MYOCD: variants seen among roughly 807,000 people sequenced by gnomAD.
The protein encoded by MYOCD is myocardin.
MYOCD carries 32 observed loss-of-function variants against 96.1 expected under a neutral mutation model. The ratio of observed to expected loss-of-function variants is 0.33; its 90% confidence interval spans 0.25 to 0.45. The LOEUF (loss-of-function observed/expected upper bound fraction) is 0.45, where lower values mean the gene tolerates loss of function less well. MYOCD is among the 20% of genes least tolerant of loss of function. MYOCD has a pLI of 1.00. For missense variants in MYOCD, 1,133 were observed against 1,200.6 expected (o/e 0.94, Z 0.83); for synonymous variants, 469 against 469.0 (o/e 1.00, Z 0.00).
At position 12,768,297 on chromosome 17, in the gene MYOCD, T is replaced by G. The variant is rs2033392251; in HGVS notation, c.*4653T>G. On this transcript the variant is annotated 3_prime_UTR_variant, in exon 14 of 14. Transcript: ENST00000425538. ...ACCCTGGCTAGATTGAGCCTACCCA[T>G]GGGGAGACGATTTCAAGACAGGATG... 1 of 152,134 alleles carries G rather than the reference T, an allele frequency of 6.6e-6. No individual in the cohort carries two copies. Among genetic ancestry groups the G allele is most frequent in the Non-Finnish European group, 1.5e-5 (1 of 68,032 alleles). The allele number at this position is 152,134 out of a possible 1,614,324, so 9.4% of individuals were successfully genotyped here.
chr17:12,719,369 C>T (rs996357303), intron 4 of MYOCD, among the ~76,000 whole-genome samples: 2 of 151,714 alleles, frequency 1.3e-5, no homozygotes, highest in Non-Finnish European at 2.9e-5. Context: ...TGTGCCCACC[C>T]TTTAGCTCAT....
chr17:12,678,966 A>G (rs1910277942), intron 1 of MYOCD, among the ~76,000 whole-genome samples: 1 of 152,046 alleles, frequency 6.6e-6, no homozygotes, highest in South Asian at 2.1e-4. Context: ...TGAGATTACA[A>G]GTTTGATTGT....
chr17:12,696,171 G>T (rs535459660), intron 1 of MYOCD, among the ~76,000 whole-genome samples: 234 of 151,966 alleles, frequency 1.5e-3, no homozygotes, highest in African/African-American at 5.3e-3. Flanking sequence ...GTAGAGACGG[G>T]GTTTCACCAT....
At chr17:12,708,269 T>C in intron 2 of MYOCD, among the ~76,000 whole-genome samples, 1 of 152,214 alleles carries the variant, frequency 6.6e-6, no homozygotes, top group East Asian at 1.9e-4. Flanking sequence ...CCAGATAAAA[T>C]TATTCATAAA....
intron 9 of MYOCD, among the ~76,000 whole-genome samples, chr17:12,747,291 A>G (rs773852030): frequency 1.3e-5 from 2 of 152,142 alleles, no homozygotes; most frequent in African/African-American, 2.4e-5. Context: ...GCAGGAGAGA[A>G]CGTGGCTGGA....
intron 5 of MYOCD, 83 bp from the exon 6 acceptor site, chr17:12,736,078 G>A: frequency 2.8e-6 from 3 of 1,090,342 alleles, no homozygotes; most frequent in Non-Finnish European, 4.1e-6. Flanking sequence ...ATTTTTAATA[G>A]AAATGACACA....
In MYOCD at chr17:12,736,281, C is replaced by T. The variant is rs1051971711; in HGVS notation, c.536C>T (p.Pro179Leu). The T allele has an allele frequency of 6.2e-6, 10 of 1,614,036 alleles. No homozygotes were observed. The highest frequency in any genetic ancestry group is 2.7e-5 in the African/African-American group (2 of 74,906). The change falls in exon 6 of 14, where the codon CCG (proline) becomes CTG (leucine). Residue 179 changes from proline to leucine, a missense_variant. Transcript: ENST00000425538. ...GACCCCCAAAACTCAGCGGGATCCC[C>T]GCCAGACGCTAAAGCCTCAGATACC... ...SEDPQNSAGS[P>L]PDAKASDTPS...
chr17:12,759,328 C>T (rs10468460), intron 12 of MYOCD, among the ~76,000 whole-genome samples: 46,202 of 152,092 alleles, frequency 0.3, 8,562 homozygotes, highest in Middle Eastern at 0.46. Flanking sequence ...CACACTGCTG[C>T]GAGACAACAA....
In MYOCD at chr17:12,753,154, T is replaced by C. The variant is rs113274254; in HGVS notation, c.1866T>C (p.Asn622=). ...AHCVESSDQT[N]VLSSTFLSPQ... ...GTGTGGAGTCCTCAGATCAAACCAATGTACTTTCTTCCACATTTCTCAGCC... is the reference window on the plus strand; with the variant it reads ...GTGTGGAGTCCTCAGATCAAACCAACGTACTTTCTTCCACATTTCTCAGCC... Residue 622 remains asparagine, a synonymous_variant, in exon 10 of 14, where the codon AAT becomes AAC. Transcript: ENST00000425538. The C allele has an allele frequency of 9.0e-5, 145 of 1,614,178 alleles. 1 individual carries two copies. The African/African-American group carries it at 1.7e-3, about 18-fold the overall frequency.
intron 1 of MYOCD, among the ~76,000 whole-genome samples, chr17:12,688,212 C>T (rs2030230120): frequency 6.6e-6 from 1 of 152,210 alleles, no homozygotes; most frequent in Admixed American, 6.5e-5. Context: ...CAGCAGACTT[C>T]TGGGTTTCAG....
chr17:12,680,951 C>T (rs556617201), intron 1 of MYOCD, among the ~76,000 whole-genome samples: 23 of 152,160 alleles, frequency 1.5e-4, no homozygotes, highest in African/African-American at 4.8e-4. Context: ...TGCTCACATG[C>T]CTGCTGCGTG....
intron 1 of MYOCD, among the ~76,000 whole-genome samples, chr17:12,695,171 A>G (rs1022236630): frequency 2.6e-5 from 4 of 152,332 alleles, no homozygotes; most frequent in Non-Finnish European, 5.9e-5. Flanking sequence ...ATAAGCCACA[A>G]TAAATTTATT....
chr17:12,681,834 C>T (rs532698185), intron 1 of MYOCD, among the ~76,000 whole-genome samples: 13 of 152,186 alleles, frequency 8.5e-5, no homozygotes, highest in Non-Finnish European at 1.3e-4. Flanking sequence ...ATTTTCACCT[C>T]GTCCTCTCTG....
intron 3 of MYOCD, among the ~76,000 whole-genome samples, chr17:12,716,512 T>C (rs1423769541): frequency 2.0e-5 from 3 of 152,150 alleles, no homozygotes; most frequent in East Asian, 1.9e-4. Flanking sequence ...AGATAACCCA[T>C]CTCTTCATGC....
chr17:12,729,154 G>T (rs1182627306), intron 5 of MYOCD, among the ~76,000 whole-genome samples: 1 of 152,128 alleles, frequency 6.6e-6, no homozygotes, highest in Non-Finnish European at 1.5e-5. Flanking sequence ...ATTTTGCTTT[G>T]GCATAACTTT....
chr17:12,733,287 G>T (rs1739807322), intron 5 of MYOCD, among the ~76,000 whole-genome samples: 1 of 139,058 alleles, frequency 7.2e-6, no homozygotes, highest in Non-Finnish European at 1.5e-5. Flanking sequence ...TCCAGCCTGG[G>T]CAACAGAGCA....
rs1024105986 is a variant in MYOCD, at chr17:12,756,340, C to T, written c.2059-74C>T. On this transcript the variant is annotated intron_variant, in intron 10 of 13. Transcript: ENST00000425538. The stretch of plus-strand genomic sequence containing the variant: ...GACACCAGGGGACACAGGGCAGGAA[C>T]CAGAATTGTCAGCAAAGGTCACACT... 6 of 1,504,626 alleles carry T rather than the reference C, an allele frequency of 4.0e-6. No individual in the cohort carries two copies. The African/African-American group carries it at 6.9e-5, about 17-fold the overall frequency. The allele number at this position is 1,504,626 out of a possible 1,614,324, so 93.2% of individuals were successfully genotyped here. A position where few individuals can be genotyped will look rare whatever the true frequency, so the allele number is the denominator to read the frequency against.
chr17:12,728,283 C>T (rs2032060491), intron 5 of MYOCD, among the ~76,000 whole-genome samples: 1 of 152,174 alleles, frequency 6.6e-6, no homozygotes, highest in South Asian at 2.1e-4. Context: ...GTGAACATCC[C>T]TTAGCTCCCA....
Position 12,765,036 on chromosome 17 carries a change from TA to T in MYOCD, c.*1393del, listed in dbSNP as rs1278597186. On this transcript the variant is annotated 3_prime_UTR_variant, in exon 14 of 14. Transcript: ENST00000425538. ...ACATTGTAAAGACAAATATGGATGA[TA>T]TTTACAAGAGAGAATTTCAGATCTG... 6 of 152,196 alleles carry T rather than the reference TA, an allele frequency of 3.9e-5. No individual in the cohort carries two copies. Among genetic ancestry groups the T allele is most frequent in the Admixed American group, 1.3e-4 (2 of 15,270 alleles). 9.4% of individuals were successfully genotyped at this position (152,196 alleles called of 1,614,324 possible).
Sources: allele counts gnomAD v4.1 joint callset (sites outside exome capture counted in the v4.1 genomes callset), GRCh38; gene constraint gnomAD v4.1.1; transcripts MANE v1.5; gene names NCBI Gene and HGNC (gene_info 2026-07-23, HGNC 2026-07-21).